AFG1L: variants seen among roughly 807,000 people sequenced by gnomAD.
AFG1L encodes the protein AFG1-like ATPase.
In AFG1L, 53 loss-of-function variants were observed where a neutral mutation model predicts 62.2. The observed-to-expected ratio is 0.85, with a 90% confidence interval of 0.68 to 1.07. AFG1L has a LOEUF of 1.07. Among genes scored for constraint, AFG1L ranks in the 50% least tolerant of loss-of-function variants. The pLI, the probability that AFG1L is intolerant of heterozygous loss-of-function variation, is 0.00. For missense variants in AFG1L, 555 were observed against 590.5 expected (o/e 0.94, Z 0.62); for synonymous variants, 228 against 210.3 (o/e 1.08, Z -0.73).
chr6:108,364,447 C>G (rs73763113), intron 5 of AFG1L, among the ~76,000 whole-genome samples: 2,194 of 152,258 alleles, frequency 0.014, 47 homozygotes, highest in African/African-American at 0.049. Context: ...ATGTTACAAG[C>G]TAAATGTCCC....
intron 2 of AFG1L, among the ~76,000 whole-genome samples, chr6:108,343,165 A>G (rs1000127498): frequency 9.9e-5 from 15 of 151,814 alleles, no homozygotes; most frequent in African/African-American, 3.6e-4. Flanking sequence ...CCCTGGTTCA[A>G]GTGATTCTCC....
At chr6:108,325,762 A>G (rs1161669430) in intron 2 of AFG1L, among the ~76,000 whole-genome samples, 1 of 152,000 alleles carries the variant, frequency 6.6e-6, no homozygotes, top group Non-Finnish European at 1.5e-5. Flanking sequence ...CTGGGATTAC[A>G]GGCATAAGCC....
intron 5 of AFG1L, among the ~76,000 whole-genome samples, chr6:108,357,552 C>T (rs1779339914): frequency 6.6e-6 from 1 of 152,168 alleles, no homozygotes; most frequent in African/African-American, 2.4e-5. Context: ...TCCCCTACAC[C>T]ACAAAGATAA....
chr6:108,483,936 A>G (rs552637982), intron 10 of AFG1L, among the ~76,000 whole-genome samples: 14 of 152,264 alleles, frequency 9.2e-5, no homozygotes, highest in African/African-American at 3.4e-4. Flanking sequence ...GTTAAGTGAC[A>G]TTTCCCTTCT....
At chr6:108,441,361 G>A (rs1203082939) in intron 7 of AFG1L, among the ~76,000 whole-genome samples, 1 of 152,026 alleles carries the variant, frequency 6.6e-6, no homozygotes, top group African/African-American at 2.4e-5. Context: ...ATGCTCAGAA[G>A]GGTGTGCTAA....
chr6:108,400,420 A>T (rs1260379823), intron 6 of AFG1L, among the ~76,000 whole-genome samples: 2 of 151,166 alleles, frequency 1.3e-5, no homozygotes, highest in Non-Finnish European at 2.9e-5. Context: ...GCTTTATCAG[A>T]TAATTTTTCG....
At chr6:108,391,853 A>G (rs1327931968) in intron 6 of AFG1L, among the ~76,000 whole-genome samples, 2 of 152,214 alleles carry the variant, frequency 1.3e-5, no homozygotes, top group Non-Finnish European at 1.5e-5. Flanking sequence ...CTAAAAAGTA[A>G]TAATAATAAA....
chr6:108,413,790 A>G (rs572449776), intron 7 of AFG1L, among the ~76,000 whole-genome samples: 21 of 152,088 alleles, frequency 1.4e-4, no homozygotes, highest in Non-Finnish European at 2.5e-4. Context: ...CAAATTTATA[A>G]CACTAAATGC....
At chr6:108,501,836 G>A (rs1774217506) in intron 10 of AFG1L, among the ~76,000 whole-genome samples, 1 of 152,092 alleles carries the variant, frequency 6.6e-6, no homozygotes, top group South Asian at 2.1e-4. Flanking sequence ...ATGAGTCGCA[G>A]GAATTTTTTT....
intron 1 of AFG1L, among the ~76,000 whole-genome samples, chr6:108,311,452 T>C (rs577685690): frequency 6.8e-4 from 103 of 152,312 alleles, no homozygotes; most frequent in African/African-American, 2.2e-3. Context: ...TACACTTTAT[T>C]AGAGTTGTTT....
intron 7 of AFG1L, among the ~76,000 whole-genome samples, chr6:108,442,445 A>G (rs1379747043): frequency 1.3e-5 from 2 of 152,058 alleles, no homozygotes; most frequent in Non-Finnish European, 2.9e-5. Context: ...GGGATTGGTT[A>G]TAGGGCCCAG....
At chr6:108,465,812 G>A (rs1772643553) in intron 8 of AFG1L, among the ~76,000 whole-genome samples, 1 of 151,950 alleles carries the variant, frequency 6.6e-6, no homozygotes, top group African/African-American at 2.4e-5. Context: ...TAACTATTTT[G>A]TTTATTTTTA....
intron 4 of AFG1L, among the ~76,000 whole-genome samples, chr6:108,356,423 A>G (rs982292644): frequency 2.0e-5 from 3 of 152,214 alleles, no homozygotes; most frequent in Admixed American, 6.5e-5. Context: ...TCACTTGTCT[A>G]TTACCTTGTC....
In AFG1L at chr6:108,388,254, G is replaced by T. The variant is rs1780862393; in HGVS notation, c.749-13742G>T. Among the ~76,000 whole-genome samples the T allele has an allele frequency of 2.0e-5, 3 of 152,204 alleles. No homozygotes were observed. The South Asian group carries it at 6.2e-4, about 32-fold the overall frequency. On this transcript the variant is annotated intron_variant, in intron 6 of 12. Transcript: ENST00000368977. Reference sequence around the variant, plus strand: ...TTATCATTTTTTATTGCGTCTATTTGATTCTTCTCTCTTTTCTTCTTTATT... The same window carrying T: ...TTATCATTTTTTATTGCGTCTATTTTATTCTTCTCTCTTTTCTTCTTTATT...
At chr6:108,512,990 T>C (rs1472736953) in intron 11 of AFG1L, among the ~76,000 whole-genome samples, 1 of 152,222 alleles carries the variant, frequency 6.6e-6, no homozygotes, top group Admixed American at 6.5e-5. Context: ...CATTTGGATA[T>C]GGAAAATCTA....
At chr6:108,397,328 A>C (rs575214475) in intron 6 of AFG1L, among the ~76,000 whole-genome samples, 1 of 152,116 alleles carries the variant, frequency 6.6e-6, no homozygotes, top group Non-Finnish European at 1.5e-5. Flanking sequence ...GGATTTCACT[A>C]TGTTGGCCAG....
intron 7 of AFG1L, among the ~76,000 whole-genome samples, chr6:108,405,250 A>G (rs1781798637): frequency 6.6e-6 from 1 of 152,214 alleles, no homozygotes; most frequent in African/African-American, 2.4e-5. Context: ...AGTGATTTAC[A>G]ATGGAAGCTG....
intron 6 of AFG1L, among the ~76,000 whole-genome samples, chr6:108,383,926 A>T (rs1780650866): frequency 6.6e-6 from 1 of 152,198 alleles, no homozygotes; most frequent in Admixed American, 6.5e-5. Flanking sequence ...AGGGAATATA[A>T]ATGGGTTGAG....
intron 8 of AFG1L, among the ~76,000 whole-genome samples, chr6:108,455,473 A>G (rs979744197): frequency 3.3e-5 from 5 of 152,044 alleles, no homozygotes; most frequent in Admixed American, 2.6e-4. Context: ...CTCTATTATT[A>G]CTTTCTGTTT....
Sources: allele counts gnomAD v4.1 joint callset (sites outside exome capture counted in the v4.1 genomes callset), GRCh38; gene constraint gnomAD v4.1.1; transcripts MANE v1.5; gene names NCBI Gene and HGNC (gene_info 2026-07-23, HGNC 2026-07-21).